Variants in CHRNA7 observed in about 807,000 individuals in gnomAD.
The protein encoded by CHRNA7 is cholinergic receptor nicotinic alpha 7 subunit.
CHRNA7 carries 17 observed loss-of-function variants against 48.0 expected under a neutral mutation model. That is an observed-to-expected ratio of 0.35 (90% CI 0.24 to 0.53). The LOEUF is 0.53. CHRNA7 is among the 20% of genes least tolerant of loss of function. CHRNA7 has a pLI of 0.92. For synonymous variants in CHRNA7, 75 were observed against 242.3 expected (o/e 0.31, Z 6.41); for missense variants, 155 against 577.7 (o/e 0.27, Z 7.50).
At chr15:32,088,902 A>G (rs1238973239) in intron 2 of CHRNA7, among the ~76,000 whole-genome samples, 1 of 152,134 alleles carries the variant, frequency 6.6e-6, no homozygotes, top group Non-Finnish European at 1.5e-5. Context: ...TCTTCCATAG[A>G]GCAGTTTTTA....
chr15:32,072,338 C>CA (rs1193258625), intron 2 of CHRNA7, among the ~76,000 whole-genome samples: 1 of 152,154 alleles, frequency 6.6e-6, no homozygotes, highest in African/African-American at 2.4e-5. Context: ...AGAAATGACT[C>CA]AGAGTTTGAA....
intron 4 of CHRNA7, among the ~76,000 whole-genome samples, chr15:32,131,524 T>C (rs996590287): frequency 6.6e-6 from 1 of 152,190 alleles, no homozygotes; most frequent in Non-Finnish European, 1.5e-5. Flanking sequence ...AATTTTCATT[T>C]AGTTTTTCTT....
chr15:32,114,063 T>TATATATATATATAC (rs1566848983), intron 4 of CHRNA7, among the ~76,000 whole-genome samples: 15 of 113,876 alleles, frequency 1.3e-4, no homozygotes, highest in African/African-American at 2.2e-4. Context: ...TATATATACA[T>TATATATATATATAC]ATATATATAT....
intron 1 of CHRNA7, 117 bp from the exon 2 acceptor site, chr15:32,030,781 C>A: frequency 6.6e-7 from 1 of 1,504,420 alleles, no homozygotes; most frequent in Non-Finnish European, 8.8e-7. Context: ...GGGGGCGCTG[C>A]GGGGGCTGCT....
At chr15:32,102,026 G>A (rs1309524038) in intron 3 of CHRNA7, 2 of 152,108 alleles carry the variant, frequency 1.3e-5, no homozygotes, top group Admixed American at 6.5e-5. Flanking sequence ...GATATTTAAC[G>A]TAGTCCCTTT....
chr15:32,151,616 T>G (rs2051631304), intron 4 of CHRNA7, among the ~76,000 whole-genome samples: 1 of 152,218 alleles, frequency 6.6e-6, no homozygotes, highest in Non-Finnish European at 1.5e-5. Context: ...GTGTTACGTT[T>G]GATCTCTGTG....
At chr15:32,112,949 A>C (rs943408757) in intron 4 of CHRNA7, among the ~76,000 whole-genome samples, 2 of 152,200 alleles carry the variant, frequency 1.3e-5, no homozygotes, top group Non-Finnish European at 1.5e-5. Context: ...TTCTCAAATT[A>C]GTTCAGACAA....
intron 2 of CHRNA7, among the ~76,000 whole-genome samples, chr15:32,077,132 CTT>C (rs879870865): frequency 6.9e-6 from 1 of 145,118 alleles, no homozygotes; most frequent in Admixed American, 6.9e-5. Flanking sequence ...CTTGATAGCT[CTT>C]TTTTTTTTTA....
intron 3 of CHRNA7, among the ~76,000 whole-genome samples, chr15:32,109,184 A>G (rs1169313684): frequency 6.6e-6 from 1 of 152,218 alleles, no homozygotes; most frequent in African/African-American, 2.4e-5. Flanking sequence ...GATAGGCTGA[A>G]CAAGGGGTGG....
chr15:32,057,617 C>A (rs751444106), intron 2 of CHRNA7, among the ~76,000 whole-genome samples: 19 of 152,142 alleles, frequency 1.2e-4, no homozygotes, highest in Non-Finnish European at 1.5e-4. Context: ...AACTTTCTTG[C>A]AGAGTTTTCC....
At chr15:32,090,533 C>CT (rs1345575113) in intron 2 of CHRNA7, among the ~76,000 whole-genome samples, 7 of 152,172 alleles carry the variant, frequency 4.6e-5, no homozygotes, top group Non-Finnish European at 8.8e-5. Flanking sequence ...GTGGCTTCTG[C>CT]TTTGAGTGAG....
At chr15:32,155,059 GACAC>G (rs1224090896) in intron 5 of CHRNA7, among the ~76,000 whole-genome samples, 1 of 29,100 alleles carries the variant, frequency 3.4e-5, no homozygotes, top group African/African-American at 2.0e-4. Flanking sequence ...ACACACACCA[GACAC>G]ACACACACCC....
At chr15:32,052,318 T>G (rs2049702677) in intron 2 of CHRNA7, among the ~76,000 whole-genome samples, 1 of 152,160 alleles carries the variant, frequency 6.6e-6, no homozygotes, top group Non-Finnish European at 1.5e-5. Context: ...AAATATCATA[T>G]GTGCTCTCTA....
chr15:32,141,269 C>T (rs577655893), intron 4 of CHRNA7, among the ~76,000 whole-genome samples: 170 of 152,234 alleles, frequency 1.1e-3, no homozygotes, highest in African/African-American at 3.9e-3. Context: ...CTGTTCTCTT[C>T]CATTGGTCTA....
chr15:32,074,349 TATAAC>T (rs963865798), intron 2 of CHRNA7, among the ~76,000 whole-genome samples: 24 of 145,720 alleles, frequency 1.6e-4, no homozygotes, highest in Non-Finnish European at 3.0e-4. Flanking sequence ...CTTCTAACAG[TATAAC>T]ATAACATAAC....
intron 2 of CHRNA7, among the ~76,000 whole-genome samples, chr15:32,071,718 C>T (rs1386471097): frequency 6.6e-6 from 1 of 152,190 alleles, no homozygotes; most frequent in African/African-American, 2.4e-5. Context: ...GACACACCTG[C>T]TCCCCTTCAC....
chr15:32,102,371 C>G (rs910452785), intron 3 of CHRNA7: 1 of 152,166 alleles, frequency 6.6e-6, no homozygotes, highest in African/African-American at 2.4e-5. Context: ...GTCTTGAACT[C>G]CTGACTTCAG....
intron 2 of CHRNA7, among the ~76,000 whole-genome samples, chr15:32,053,004 A>G (rs772586285): frequency 1.3e-5 from 2 of 152,176 alleles, no homozygotes; most frequent in Non-Finnish European, 2.9e-5. Flanking sequence ...ATGTACAGCT[A>G]TTAGATATAA....
chr15:32,045,576 A>T (rs553948744), intron 2 of CHRNA7, among the ~76,000 whole-genome samples: 18 of 151,486 alleles, frequency 1.2e-4, no homozygotes, highest in Admixed American at 1.2e-3. Flanking sequence ...TCACTTTGTC[A>T]CCCAGGCTGG....
Sources: allele counts gnomAD v4.1 joint callset (sites outside exome capture counted in the v4.1 genomes callset), GRCh38; gene constraint gnomAD v4.1.1; transcripts MANE v1.5; gene names NCBI Gene and HGNC (gene_info 2026-07-23, HGNC 2026-07-21).